The following TGFB3 variants were observed in gnomAD, a reference collection of about 807,000 sequenced individuals.
The protein encoded by TGFB3 is transforming growth factor beta 3, also known as transforming growth factor beta-3 proprotein.
TGFB3 carries 5 observed loss-of-function variants against 40.1 expected under a neutral mutation model. The ratio of observed to expected loss-of-function variants is 0.12; its 90% CI spans 0.07 to 0.26. The LOEUF (loss-of-function observed/expected upper bound fraction) is 0.26. TGFB3 is among the 10% of genes least tolerant of loss of function. The probability of loss-of-function intolerance (pLI) is 1.00; values close to 1 mark genes in which losing one functional copy is unlikely to be tolerated. For synonymous variants in TGFB3, 184 were observed against 205.6 expected, an observed-to-expected ratio of 0.89 and a Z score of 0.90; for missense variants, 373 against 530.1, an observed-to-expected ratio of 0.70 and a Z score of 2.91.
At chr14:75,968,064 G>T (rs1322062816) in intron 3 of TGFB3, among the ~76,000 whole-genome samples, 1 of 152,214 alleles carries the variant, frequency 6.6e-6, no homozygotes, top group Non-Finnish European at 1.5e-5. Flanking sequence ...TAGCACAAGG[G>T]TATGAGACCT....
intron 1 of TGFB3, among the ~76,000 whole-genome samples, chr14:75,973,612 G>A (rs1229179827): frequency 6.6e-6 from 1 of 152,218 alleles, no homozygotes; most frequent in East Asian, 1.9e-4. Context: ...GGTTTTGAAG[G>A]AGCTGTTATT....
rs1274410175 is a variant in TGFB3, at chr14:75,958,939, A to AAAGTCTGTGTGTTCTG, written c.*232_*247dup. 5.8e-6 allele frequency: 3 copies of AAAGTCTGTGTGTTCTG among 514,976 alleles called. No homozygotes were observed. The highest frequency in any genetic ancestry group is 7.1e-6 in the Non-Finnish European group (2 of 280,492). The allele number at this position is 514,976 out of a possible 1,614,324, so 31.9% of individuals were successfully genotyped here. ...CCCATCCCCTCTGTCTGCGTCACAG[A>AAAGTCTGTGTGTTCTG]AAGTCTGTGTGTTCTGAAGAGTTCA... On this transcript the variant is annotated 3_prime_UTR_variant, in exon 7 of 7. Coordinates refer to ENST00000238682, the MANE Select transcript of TGFB3 (RefSeq NM_003239.5).
chr14:75,971,363 G>C lies in TGFB3; in HGVS notation c.517-108C>G, dbSNP rs908655634. 2.6e-6 allele frequency: 4 copies of C among 1,561,534 alleles called. No homozygotes were observed. The highest frequency in any genetic ancestry group is 3.5e-6 in the Non-Finnish European group (4 of 1,141,300). The stretch of plus-strand genomic sequence containing the variant: ...GAGCGATAGGAAACCAGTGGTTCCT[G>C]AATGCCATGGCCCTCGAGCACCTTA... On this transcript the variant is annotated intron_variant, in intron 2 of 6. Coordinates refer to ENST00000238682, the MANE Select transcript of TGFB3 (RefSeq NM_003239.5). This position sits in a 1 kb window ranked among gnomAD's most constrained non-coding sequence, Gnocchi z 4.5.
chr14:75,982,003 T>G (rs1476637832), upstream of TGFB3, among the ~76,000 whole-genome samples: 2 of 151,884 alleles, frequency 1.3e-5, no homozygotes, highest in Non-Finnish European at 2.9e-5. The surrounding 1 kb of genome is among the most constrained non-coding windows in gnomAD (Gnocchi z 4.0). Flanking sequence ...GCTTTCTCTA[T>G]TTCTCTCTGC....
Position 75,971,019 on chromosome 14 carries a change from G to T in TGFB3, c.646+107C>A. 3 of 1,531,902 alleles carry T rather than the reference G, an allele frequency of 2.0e-6. No individual in the cohort carries two copies. The highest frequency in any genetic ancestry group is 2.7e-6 in the Non-Finnish European group (3 of 1,118,656). The allele number at this position is 1,531,902 out of a possible 1,614,324, so 94.9% of individuals were successfully genotyped here. A position where few individuals can be genotyped will look rare whatever the true frequency, so the allele number is the denominator to read the frequency against. On this transcript the variant is annotated intron_variant, in intron 3 of 6. Coordinates refer to ENST00000238682, the MANE Select transcript of TGFB3 (RefSeq NM_003239.5). This position sits in a 1 kb window ranked among gnomAD's most constrained non-coding sequence, Gnocchi z 4.5. ...ATACTCAGTGGCAAAGCTAGGGTTT[G>T]AACCCAGATCTCTGACTCCCTTAAT...
chr14:75,958,612 T>C lies in TGFB3; in HGVS notation c.*575A>G, dbSNP rs907095469. The C allele has an allele frequency of 5.8e-6, 1 of 173,380 alleles. No homozygotes were observed. 10.7% of individuals were successfully genotyped at this position (173,380 alleles called of 1,614,324 possible). A position where few individuals can be genotyped will look rare whatever the true frequency, so the allele number is the denominator to read the frequency against. ...TGTAGTGACCCACGATGTTAATTGA[T>C]GTAGAGGACAGTTTGCAAAAGTAAT... On this transcript the variant is annotated 3_prime_UTR_variant, in exon 7 of 7. Coordinates refer to ENST00000238682, the MANE Select transcript of TGFB3 (RefSeq NM_003239.5).
chr14:75,980,461 GCACT>G lies in TGFB3; in HGVS notation c.352+77_352+80del. The G allele has an allele frequency of 7.0e-7, 1 of 1,419,550 alleles. No homozygotes were observed. Among genetic ancestry groups the G allele is most frequent in the Non-Finnish European group, 1.0e-6 (1 of 1,004,782 alleles). 87.9% of individuals were successfully genotyped at this position (1,419,550 alleles called of 1,614,324 possible). On this transcript the variant is annotated intron_variant, in intron 1 of 6. Coordinates refer to ENST00000238682, the MANE Select transcript of TGFB3 (RefSeq NM_003239.5). This position sits in a 1 kb window ranked among gnomAD's most constrained non-coding sequence, Gnocchi z 4.3. ...CCTGGGGCACCCTGCTGTGTGGCCA[GCACT>G]AGGCCCCCCTCTGCAGAGCTCCCAG...
intron 6 of TGFB3, among the ~76,000 whole-genome samples, chr14:75,959,825 T>C (rs2035131507): frequency 6.6e-6 from 1 of 151,374 alleles, no homozygotes; most frequent in African/African-American, 2.4e-5. Context: ...TGAGTAGTTG[T>C]GTAGTTGCTG....
At position 75,980,749 on chromosome 14, in the gene TGFB3, TC is replaced by T. The variant is rs752702481; in HGVS notation, c.144del (p.Ser49AlafsTer13). 1 of 1,614,130 alleles carries T rather than the reference TC, an allele frequency of 6.2e-7. No homozygotes were observed. The highest frequency in any genetic ancestry group is 1.7e-5 in the Admixed American group (1 of 60,012). ...KRVEAIRGQI[L>X]SKLRLTSPPE... is the part of the protein sequence containing the mutation. Reference sequence around the variant, plus strand: ...GGGGGGCTGGTGAGCCTGAGCTTGCTCAAGATCTGTCCCCTAATGGCTTCCA... The same window carrying T: ...GGGGGGCTGGTGAGCCTGAGCTTGCTAAGATCTGTCCCCTAATGGCTTCCA... On this transcript the variant is annotated frameshift_variant, in exon 1 of 7. Coordinates refer to ENST00000238682, the MANE Select transcript of TGFB3 (RefSeq NM_003239.5). LOFTEE classifies it high-confidence loss of function. This position sits in a 1 kb window ranked among gnomAD's most constrained non-coding sequence, Gnocchi z 4.3.
chr14:75,980,673 T>G lies in TGFB3; in HGVS notation c.221A>C (p.Asn74Thr), dbSNP rs1279947435. ...CTCCTCCAGCAGCTCCCGGGTGCTG[T>G]TGTAAAGGGCCAGGACCTGATAGGG... The part of the protein sequence containing the change: ...HVPYQVLALY[N>T]STRELLEEMH... Residue 74 changes from asparagine to threonine, a missense_variant, in exon 1 of 7, where the codon AAC becomes ACC. Asn to Thr is a moderately conservative substitution (Grantham distance 65, BLOSUM62 0). Transcript: ENST00000238682. The surrounding 1 kb of genome is among the most constrained non-coding windows in gnomAD (Gnocchi z 4.3). 1 of 1,614,174 alleles carries G rather than the reference T, an allele frequency of 6.2e-7. No homozygotes were observed. The highest frequency in any genetic ancestry group is 1.1e-5 in the South Asian group (1 of 91,082).
In TGFB3 at chr14:75,978,085, A is replaced by T. The variant is rs1294245466; in HGVS notation, c.352+2457T>A. 6.6e-6 allele frequency among the ~76,000 whole-genome samples: 1 copy of T among 151,748 alleles called. No individual in the cohort carries two copies. The highest frequency in any genetic ancestry group is 1.5e-5 in the Non-Finnish European group (1 of 67,980). Reference sequence around the variant, plus strand: ...TCCTCTTTCATTTTCCTCTCCAGGGACCTCTATCTCCTTGCCCTGGCTCCT... The same window carrying T: ...TCCTCTTTCATTTTCCTCTCCAGGGTCCTCTATCTCCTTGCCCTGGCTCCT... On this transcript the variant is annotated intron_variant, in intron 1 of 6. Coordinates refer to ENST00000238682, the MANE Select transcript of TGFB3 (RefSeq NM_003239.5). The surrounding 1 kb of genome is among the most constrained non-coding windows in gnomAD (Gnocchi z 5.0).
intron 6 of TGFB3, 173 bp downstream of exon 6, chr14:75,960,750 G>A (rs1312074845): frequency 6.4e-6 from 5 of 784,578 alleles, no homozygotes; most frequent in Non-Finnish European, 1.0e-5. Flanking sequence ...AGGGCAGAAT[G>A]TGACTGAGTA....
intron 3 of TGFB3, chr14:75,965,939 G>T: frequency 1.9e-6 from 1 of 532,862 alleles, no homozygotes; most frequent in East Asian, 3.4e-5. Context: ...ATACACTAGT[G>T]GCCATCATGA....
intron 1 of TGFB3, among the ~76,000 whole-genome samples, chr14:75,974,779 AAAG>A (rs1555361013): frequency 6.7e-5 from 10 of 148,434 alleles, no homozygotes; most frequent in Admixed American, 1.3e-4. Context: ...AAAAAAAAAA[AAAG>A]AAGAAGAAGA....
intron 1 of TGFB3, among the ~76,000 whole-genome samples, chr14:75,973,672 G>A (rs887790083): frequency 3.1e-4 from 47 of 152,190 alleles, no homozygotes; most frequent in African/African-American, 1.1e-3. Flanking sequence ...ACTTGAGCTC[G>A]GGAGGTCCAG....
At chr14:75,975,072 T>C (rs959333776) in intron 1 of TGFB3, among the ~76,000 whole-genome samples, 3 of 149,268 alleles carry the variant, frequency 2.0e-5, no homozygotes, top group Non-Finnish European at 4.4e-5. Context: ...TTATTTAAAA[T>C]TAAAAATTTT....
At chr14:75,959,992 A>AAGTGC (rs2035135709) in intron 6 of TGFB3, among the ~76,000 whole-genome samples, 1 of 114,094 alleles carries the variant, frequency 8.8e-6, no homozygotes, top group Non-Finnish European at 1.6e-5. Flanking sequence ...ACCCAGGCTG[A>AAGTGC]AGTGCAGTGG....
chr14:75,980,873 C>T lies in TGFB3; in HGVS notation c.21G>A (p.Arg7=). The change falls in exon 1 of 7, where the codon AGG becomes AGA. Residue 7 remains arginine (R), a synonymous_variant. Coordinates refer to ENST00000238682, the MANE Select transcript of TGFB3 (RefSeq NM_003239.5). The surrounding 1 kb of genome is among the most constrained non-coding windows in gnomAD (Gnocchi z 4.3). ...TCAGCAGGGCCAGGACCACCAGAGC[C>T]CTTTGCAAGTGCATCTTCATGTGTG... MKMHLQ[R]ALVVLALLNF... is the part of the protein sequence containing the mutation. The T allele has an allele frequency of 6.2e-7, 1 of 1,614,090 alleles. No homozygotes were observed. The highest frequency in any genetic ancestry group is 8.5e-7 in the Non-Finnish European group (1 of 1,180,026).
intron 5 of TGFB3, 67 bp from the exon 6 acceptor site, chr14:75,961,143 C>G (rs1422505241): frequency 1.9e-6 from 3 of 1,571,812 alleles, no homozygotes; most frequent in Non-Finnish European, 2.6e-6. Flanking sequence ...CATGAATGCT[C>G]TCATATTCTC....
Sources: allele counts gnomAD v4.1 joint callset (sites outside exome capture counted in the v4.1 genomes callset), GRCh38; gene constraint gnomAD v4.1.1; non-coding constraint Gnocchi (gnomAD v3.1); transcripts MANE v1.5; gene names NCBI Gene and HGNC (gene_info 2026-07-23, HGNC 2026-07-21).